Variants in DMD observed in about 807,000 individuals in gnomAD.
DMD encodes the protein dystrophin.
A neutral mutation model predicts 330.1 loss-of-function variants in DMD; 63 were observed. That is an observed-to-expected ratio of 0.19 (90% CI 0.16 to 0.24). The LOEUF (loss-of-function observed/expected upper bound fraction) is 0.24, where lower values mean the gene tolerates loss of function less well. DMD is among the 10% of genes least tolerant of loss of function. The pLI is 1.00. For synonymous variants in DMD, 1,223 were observed against 959.8 expected, an observed-to-expected ratio of 1.27 and a Z score of -5.07; for missense variants, 3,344 against 2,684.1, an observed-to-expected ratio of 1.25 and a Z score of -5.43.
At chrX:32,678,772 G>A (rs2062150390) in intron 9 of DMD, among the ~76,000 whole-genome samples, 1 of 111,544 alleles carries the variant, frequency 9.0e-6, no homozygotes, top group Non-Finnish European at 1.9e-5. Flanking sequence ...AAATTTGACT[G>A]GTCAACATAA....
At chrX:32,371,297 A>T (rs753385022) in intron 34 of DMD, among the ~76,000 whole-genome samples, 85 of 111,412 alleles carry the variant, frequency 7.6e-4, no homozygotes, top group African/African-American at 2.7e-3. Flanking sequence ...TCTGCATTTA[A>T]CACCTTCAGT....
intron 2 of DMD, among the ~76,000 whole-genome samples, chrX:32,964,810 AT>A (rs1318789629): frequency 2.7e-5 from 3 of 112,525 alleles, no homozygotes; most frequent in Admixed American, 9.4e-5. Flanking sequence ...GCAACTCATA[AT>A]GAAATAATCA....
intron 53 of DMD, among the ~76,000 whole-genome samples, chrX:31,658,753 T>G (rs1261359709): frequency 2.7e-5 from 3 of 112,524 alleles, no homozygotes; most frequent in Non-Finnish European, 3.8e-5. Context: ...CTTCGTTGTT[T>G]GTCTTTGGCA....
At chrX:32,407,268 C>A (rs1484053615) in intron 30 of DMD, among the ~76,000 whole-genome samples, 1 of 111,401 alleles carries the variant, frequency 9.0e-6, no homozygotes. Context: ...TGAACTCAAA[C>A]AAATGTACAA....
chrX:31,166,369 G>A (rs1189423406), intron 74 of DMD, among the ~76,000 whole-genome samples: 1 of 111,204 alleles, frequency 9.0e-6, no homozygotes, highest in Admixed American at 9.5e-5. Flanking sequence ...GGCTCTCCAG[G>A]CCTCTCTCTT....
intron 52 of DMD, among the ~76,000 whole-genome samples, chrX:31,703,395 T>C (rs1257138783): frequency 1.8e-5 from 2 of 112,301 alleles, no homozygotes; most frequent in Non-Finnish European, 3.8e-5. Context: ...GTATCTCACA[T>C]GTGTCTATGC....
chrX:33,214,921 G>T (rs5928204), upstream of DMD, among the ~76,000 whole-genome samples: 9,028 of 111,990 alleles, frequency 0.081, 392 homozygotes, highest in African/African-American at 0.16. Flanking sequence ...CCCAGGAGCT[G>T]GGATTATAGG....
chrX:32,620,554 ATTTTAT>A (rs1009757198), intron 11 of DMD, among the ~76,000 whole-genome samples: 2 of 112,460 alleles, frequency 1.8e-5, no homozygotes, highest in African/African-American at 6.5e-5. Context: ...AAAAGTAGAC[ATTTTAT>A]TTTTATGAGA....
chrX:31,336,585 C>T (rs142434400), intron 61 of DMD, among the ~76,000 whole-genome samples: 3,299 of 112,303 alleles, frequency 0.029, 59 homozygotes, highest in Middle Eastern at 0.051. Context: ...GTCAAGAAAG[C>T]CTAGTTTACA....
At chrX:32,385,773 T>C (rs770490212) in intron 33 of DMD, among the ~76,000 whole-genome samples, 3 of 110,411 alleles carry the variant, frequency 2.7e-5, no homozygotes, top group South Asian at 7.8e-4. Context: ...CTATCCATGC[T>C]ATCTTATTAG....
Position 32,220,646 on chromosome X carries a change from A to G in DMD, c.6291-3583T>C, listed in dbSNP as rs1029731483. 6.3e-5 allele frequency among the ~76,000 whole-genome samples: 7 copies of G among 110,803 alleles called. 1 individual carries two copies. The highest frequency in any genetic ancestry group is 4.8e-4 in the Admixed American group (5 of 10,318). On this transcript the variant is annotated intron_variant, in intron 43 of 78. Coordinates refer to ENST00000357033, the MANE Select transcript of DMD (RefSeq NM_004006.3). ...CCAAGGAAAATTCCAAATGAAAAAA[A>G]TATATATATATTTTTTCTGGTTTTA...
At chrX:32,584,777 G>C (rs1177275695) in intron 13 of DMD, among the ~76,000 whole-genome samples, 3 of 111,979 alleles carry the variant, frequency 2.7e-5, no homozygotes, top group Non-Finnish European at 5.6e-5. Flanking sequence ...AAGAGTTTAT[G>C]ATACCATAGG....
intron 60 of DMD, among the ~76,000 whole-genome samples, chrX:31,418,841 T>G (rs2063213572): frequency 8.9e-6 from 1 of 112,591 alleles, no homozygotes; most frequent in Admixed American, 9.4e-5. Context: ...GATTGGTAAC[T>G]CTCCTCCAAT....
intron 50 of DMD, among the ~76,000 whole-genome samples, chrX:31,776,806 T>C (rs2149255936): frequency 8.9e-6 from 1 of 111,888 alleles, no homozygotes; most frequent in Admixed American, 9.4e-5. Context: ...AATATGCCAT[T>C]GGGATGATAA....
At chrX:32,048,208 A>G (rs1686963129) in intron 44 of DMD, among the ~76,000 whole-genome samples, 1 of 102,527 alleles carries the variant, frequency 9.8e-6, no homozygotes, top group Admixed American at 1.1e-4. Context: ...CCTTGTGCCT[A>G]TTTTAAAAAT....
intron 1 of DMD, among the ~76,000 whole-genome samples, chrX:33,310,203 GAAATAATTT>G (rs933014866): frequency 9.0e-6 from 1 of 111,299 alleles, no homozygotes; most frequent in Non-Finnish European, 1.9e-5. Flanking sequence ...TTCCAATACA[GAAATAATTT>G]ATTCTGTATA....
chrX:31,389,297 G>A (rs2060593400), intron 60 of DMD, among the ~76,000 whole-genome samples: 1 of 112,030 alleles, frequency 8.9e-6, no homozygotes, highest in South Asian at 3.7e-4. Context: ...AATAACAGGA[G>A]GTGCCTTAGT....
In DMD at chrX:31,317,592, T is replaced by A. The variant is rs761294508; in HGVS notation, c.9224+6006A>T. 5.7e-5 allele frequency among the ~76,000 whole-genome samples: 6 copies of A among 105,911 alleles called. No individual in the cohort carries two copies. In the East Asian group the frequency reaches 1.5e-3, roughly 26 times the overall value. 92.0% of individuals were successfully genotyped at this position (105,911 alleles called of 115,157 possible). On this transcript the variant is annotated intron_variant, in intron 62 of 78. Coordinates refer to ENST00000357033, the MANE Select transcript of DMD (RefSeq NM_004006.3). The stretch of plus-strand genomic sequence containing the variant: ...CAGTGGCGCGATCTCGTCCACTGCA[T>A]GCTCCGCTTCCCGGGTTTACGCCAT...
At chrX:32,993,607 GA>G (rs1246040359) in intron 2 of DMD, among the ~76,000 whole-genome samples, 45 of 97,204 alleles carry the variant, frequency 4.6e-4, no homozygotes, top group South Asian at 9.2e-4. Flanking sequence ...TCAAAAAAAG[GA>G]AAAAAAAAAA....
Sources: allele counts gnomAD v4.1 joint callset (sites outside exome capture counted in the v4.1 genomes callset), GRCh38; gene constraint gnomAD v4.1.1; transcripts MANE v1.5; gene names NCBI Gene and HGNC (gene_info 2026-07-23, HGNC 2026-07-21).